KCNIP4: variants seen among roughly 807,000 people sequenced by gnomAD.
KCNIP4 encodes the protein potassium voltage-gated channel interacting protein 4, also known as Kv channel-interacting protein 4.
KCNIP4 carries 12 observed loss-of-function variants against 34.0 expected under a neutral mutation model. The ratio of observed to expected loss-of-function variants is 0.35; its 90% CI spans 0.23 to 0.57. KCNIP4 has a LOEUF of 0.57. Among genes scored for constraint, KCNIP4 ranks in the 20% least tolerant of loss-of-function variants. The pLI is 0.83. For missense variants in KCNIP4, 238 were observed against 311.7 expected, an observed-to-expected ratio of 0.76 and a Z score of 1.78; for synonymous variants, 124 against 102.2, an observed-to-expected ratio of 1.21 and a Z score of -1.29.
At chr4:21,793,022 C>A (rs1158569231) in intron 1 of KCNIP4, among the ~76,000 whole-genome samples, 3 of 152,088 alleles carry the variant, frequency 2.0e-5, no homozygotes, top group Admixed American at 2.0e-4. Flanking sequence ...TGTTTGGGGG[C>A]AGAAATTTTC....
intron 1 of KCNIP4, among the ~76,000 whole-genome samples, chr4:21,271,715 T>C (rs1325485540): frequency 6.6e-6 from 1 of 152,068 alleles, no homozygotes; most frequent in Non-Finnish European, 1.5e-5. Flanking sequence ...AGAAATAAAA[T>C]CCTTCCGTAA....
intron 1 of KCNIP4, among the ~76,000 whole-genome samples, chr4:21,494,773 T>TAAAA (rs34162922): frequency 0.012 from 1,388 of 111,674 alleles, 23 homozygotes; most frequent in African/African-American, 0.041. Context: ...TCAGACTGTG[T>TAAAA]AAAAAAAAAA....
At chr4:21,451,422 T>A (rs941048717) in intron 1 of KCNIP4, among the ~76,000 whole-genome samples, 14 of 152,282 alleles carry the variant, frequency 9.2e-5, no homozygotes, top group African/African-American at 3.4e-4. Context: ...TGAAAAGAGA[T>A]TAAAGTCAAA....
chr4:21,070,485 A>G (rs1476606824), intron 1 of KCNIP4, among the ~76,000 whole-genome samples: 1 of 151,794 alleles, frequency 6.6e-6, no homozygotes, highest in East Asian at 1.9e-4. Context: ...AGCTGTTCTA[A>G]TAGGTATGTA....
At chr4:21,158,002 A>C (rs1753273313) in intron 1 of KCNIP4, among the ~76,000 whole-genome samples, 1 of 152,112 alleles carries the variant, frequency 6.6e-6, no homozygotes, top group African/African-American at 2.4e-5. Context: ...CATAACTACA[A>C]ATTTTTCTGA....
intron 1 of KCNIP4, among the ~76,000 whole-genome samples, chr4:21,759,050 T>C (rs1717867313): frequency 6.6e-6 from 1 of 152,150 alleles, no homozygotes; most frequent in South Asian, 2.1e-4. Flanking sequence ...CTTGTTAGTA[T>C]TACTCATGAC....
chr4:21,049,170 T>C lies in KCNIP4; in HGVS notation c.62-166461A>G, dbSNP rs575791845. 2.0e-5 allele frequency among the ~76,000 whole-genome samples: 3 copies of C among 151,612 alleles called. No individual in the cohort carries two copies. In the South Asian group the frequency reaches 6.3e-4, roughly 32 times the overall value. ...TTTCACCGTGTTAGCCAGGATGGTC[T>C]CGATCTCCTGACCTCGTGATCCGCC... On this transcript the variant is annotated intron_variant, in intron 1 of 8. Transcript: ENST00000382152.
At chr4:21,269,936 G>A (rs1762040182) in intron 1 of KCNIP4, among the ~76,000 whole-genome samples, 2 of 152,110 alleles carry the variant, frequency 1.3e-5, no homozygotes. Context: ...AAGACAGTTT[G>A]GCGAAAGATC....
At chr4:21,708,345 G>T (rs983402652) in intron 1 of KCNIP4, among the ~76,000 whole-genome samples, 1 of 151,914 alleles carries the variant, frequency 6.6e-6, no homozygotes, top group African/African-American at 2.4e-5. Context: ...AGAACCACCT[G>T]GAATGCCTGT....
intron 1 of KCNIP4, among the ~76,000 whole-genome samples, chr4:21,712,476 C>A (rs769488794): frequency 9.2e-5 from 14 of 152,296 alleles, no homozygotes; most frequent in African/African-American, 3.1e-4. Flanking sequence ...TTGCCTTTGG[C>A]AAAGGGCTGC....
intron 1 of KCNIP4, among the ~76,000 whole-genome samples, chr4:21,535,243 T>C (rs1482954186): frequency 2.6e-5 from 4 of 152,220 alleles, no homozygotes; most frequent in African/African-American, 7.2e-5. Context: ...TTAATACTTT[T>C]AGCTCTAAAG....
intron 1 of KCNIP4, among the ~76,000 whole-genome samples, chr4:21,300,663 A>G (rs565296131): frequency 1.3e-5 from 2 of 152,140 alleles, no homozygotes; most frequent in Admixed American, 1.3e-4. Context: ...ACAGGAAAGG[A>G]TGTTTCTCTA....
chr4:21,333,744 C>T (rs1360233574), intron 1 of KCNIP4, among the ~76,000 whole-genome samples: 1 of 150,430 alleles, frequency 6.6e-6, no homozygotes, highest in Non-Finnish European at 1.5e-5. Context: ...TCTTTGAAAA[C>T]AACCAAAAAA....
At chr4:21,488,162 G>T (rs561556107) in intron 1 of KCNIP4, among the ~76,000 whole-genome samples, 1 of 151,960 alleles carries the variant, frequency 6.6e-6, no homozygotes, top group Non-Finnish European at 1.5e-5. Flanking sequence ...TATCTGTACC[G>T]TTATTAAGCA....
At chr4:21,581,673 A>G (rs1239222318) in intron 1 of KCNIP4, among the ~76,000 whole-genome samples, 2 of 152,006 alleles carry the variant, frequency 1.3e-5, no homozygotes, top group South Asian at 2.1e-4. Context: ...ATTCTCAAAG[A>G]CATTGTTCAG....
At chr4:21,116,079 T>C (rs1450335698) in intron 1 of KCNIP4, among the ~76,000 whole-genome samples, 1 of 152,172 alleles carries the variant, frequency 6.6e-6, no homozygotes, top group East Asian at 1.9e-4. Flanking sequence ...AAAGAAAAAG[T>C]CATCATAAAG....
intron 1 of KCNIP4, among the ~76,000 whole-genome samples, chr4:21,017,593 G>A (rs143126169): frequency 1.8e-3 from 279 of 152,080 alleles, no homozygotes; most frequent in African/African-American, 6.4e-3. Context: ...GTCTATCATC[G>A]ATGGGCATTT....
At chr4:21,358,488 T>A (rs756256377) in intron 1 of KCNIP4, among the ~76,000 whole-genome samples, 3 of 152,106 alleles carry the variant, frequency 2.0e-5, no homozygotes, top group Non-Finnish European at 4.4e-5. Context: ...AGTTATTACA[T>A]AGCTCAAACA....
chr4:21,483,347 C>T lies in KCNIP4; in HGVS notation c.61+465224G>A, dbSNP rs13121608. Among the ~76,000 whole-genome samples, 422 of 152,018 alleles carry T rather than the reference C, an allele frequency of 2.8e-3. 7 individuals carry two copies. The South Asian group carries it at 0.053, about 19-fold the overall frequency. ...GTTAATATGGTTTGGATCTGTGTTC[C>T]CACCTAAAACTCAGGTTGAAATGTA... is the stretch of plus-strand genomic sequence containing the variant. On this transcript the variant is annotated intron_variant, in intron 1 of 8. Coordinates refer to ENST00000382152, the MANE Select transcript of KCNIP4 (RefSeq NM_025221.6).
Sources: gnomAD v4.1 joint callset for allele counts (sites outside exome capture counted in the v4.1 genomes callset) on GRCh38, gnomAD v4.1.1 for gene constraint, MANE v1.5 for transcripts, NCBI Gene and HGNC (gene_info 2026-07-23, HGNC 2026-07-21) for gene names.